The following LPL variants were observed in gnomAD, a reference collection of about 807,000 sequenced individuals.
LPL encodes phospholipase A1.
A neutral mutation model predicts 52.2 loss-of-function variants in LPL; 43 were observed. That is an observed-to-expected ratio of 0.82 (90% confidence interval 0.64 to 1.06). LPL has a LOEUF of 1.06. LPL is among the 50% of genes least tolerant of loss of function. The probability of loss-of-function intolerance (pLI) is 0.00; values close to 1 mark genes in which losing one functional copy is unlikely to be tolerated. For missense variants in LPL, 639 were observed against 585.3 expected (o/e 1.09, Z -0.95); for synonymous variants, 244 against 215.6 (o/e 1.13, Z -1.15).
Position 19,967,173 on chromosome 8 carries a change from C to T in LPL, c.*1863C>T, listed in dbSNP as rs553667602. On this transcript the variant is annotated 3_prime_UTR_variant, in exon 10 of 10. Transcript: ENST00000650287. ...AGCCAACTCACTCTTATGAAATGGGCTTTAACAAAACAAGAAAGAAACGTA... is the reference window on the plus strand; with the variant it reads ...AGCCAACTCACTCTTATGAAATGGGTTTTAACAAAACAAGAAAGAAACGTA... The T allele has an allele frequency of 5.2e-5, 8 of 152,698 alleles. No homozygotes were observed. The East Asian group carries it at 1.3e-3, about 26-fold the overall frequency. The allele number at this position is 152,698 out of a possible 1,614,324, so 9.5% of individuals were successfully genotyped here.
intron 1 of LPL, among the ~76,000 whole-genome samples, chr8:19,946,258 C>T (rs920572813): frequency 6.6e-6 from 1 of 151,830 alleles, no homozygotes; most frequent in African/African-American, 2.4e-5. Flanking sequence ...GAGTGTTTAC[C>T]CATTGTAACA....
At chr8:19,959,464 G>T in intron 7 of LPL, 84 bp downstream of exon 7, 1 of 1,519,348 alleles carries the variant, frequency 6.6e-7, no homozygotes, top group African/African-American at 1.4e-5. Context: ...AGCAGAGAGC[G>T]ATGCCTAGAA....
rs1161273471 is a variant in LPL, at chr8:19,954,282, A to T, written c.704A>T (p.Asn235Ile). 6.2e-7 allele frequency: 1 copy of T among 1,614,060 alleles called. No homozygotes were observed. The highest frequency in any genetic ancestry group is 1.3e-5 in the African/African-American group (1 of 74,914). The change falls in exon 5 of 10, where the codon AAT becomes ATT. Residue 235 changes from asparagine (N) to isoleucine (I), a missense_variant. Physicochemically the swap from Asn to Ile is moderately radical, Grantham distance 149. Transcript: ENST00000650287. ...GTTGGGCATGTTGACATTTACCCGA[A>T]TGGAGGTACTTTTCAGCCAGGATGT... is the stretch of plus-strand genomic sequence containing the variant. ...KPVGHVDIYP[N>I]GGTFQPGCNI...
chr8:19,949,309 G>C (rs2069911423), intron 2 of LPL, among the ~76,000 whole-genome samples: 1 of 151,952 alleles, frequency 6.6e-6, no homozygotes, highest in Non-Finnish European at 1.5e-5. Context: ...GACTGAAGAG[G>C]ACAATCGCTA....
chr8:19,958,407 T>C (rs1444663600), intron 6 of LPL, among the ~76,000 whole-genome samples: 1 of 152,044 alleles, frequency 6.6e-6, no homozygotes, highest in Non-Finnish European at 1.5e-5. Flanking sequence ...GCCCATTTGC[T>C]CAGGGTTTTT....
At position 19,959,394 on chromosome 8, in the gene LPL, G is replaced by C. The variant is rs374674661; in HGVS notation, c.1139+14G>C. The C allele has an allele frequency of 4.2e-5, 67 of 1,613,756 alleles. No individual in the cohort carries two copies. The highest frequency in any genetic ancestry group is 1.6e-4 in the Middle Eastern group (1 of 6,084). On this transcript the variant is annotated intron_variant, in intron 7 of 9. Coordinates refer to ENST00000650287, the MANE Select transcript of LPL (RefSeq NM_000237.3). ...CCCATTCACTCTGTGAGTAGCACAG[G>C]GGGGCGGTCATCATGGCACCAGTCC...
In LPL at chr8:19,961,054, C is replaced by T. The variant is rs2128839616; in HGVS notation, c.1293C>T (p.Ile431=). 1 of 1,614,082 alleles carries T rather than the reference C, an allele frequency of 6.2e-7. No individual in the cohort carries two copies. Among genetic ancestry groups the T allele is most frequent in the Non-Finnish European group, 8.5e-7 (1 of 1,180,022 alleles). ...WSSPGFAIQK[I]RVKAGETQKK... is the part of the protein sequence containing the mutation. ...GTCCCGGCTTCGCCATTCAGAAGATCAGAGTAAAAGCAGGAGAGACTCAGA... is the reference window on the plus strand; with the variant it reads ...GTCCCGGCTTCGCCATTCAGAAGATTAGAGTAAAAGCAGGAGAGACTCAGA... The change falls in exon 8 of 10, where the codon ATC becomes ATT. Residue 431 remains isoleucine, a synonymous_variant. Coordinates refer to ENST00000650287, the MANE Select transcript of LPL (RefSeq NM_000237.3).
rs928704350 is a variant in LPL, at chr8:19,953,340, C to A, written c.460C>A (p.His154Asn). 1 of 1,613,694 alleles carries A rather than the reference C, an allele frequency of 6.2e-7. No individual in the cohort carries two copies. Among genetic ancestry groups the A allele is most frequent in the Non-Finnish European group, 8.5e-7 (1 of 1,179,668 alleles). Reference sequence around the variant, plus strand: ...GTTTAACTACCCTCTGGACAATGTCCATCTCTTGGGATACAGCCTTGGAGC... The same window carrying A: ...GTTTAACTACCCTCTGGACAATGTCAATCTCTTGGGATACAGCCTTGGAGC... The part of the protein sequence containing the change: ...EEFNYPLDNV[H>N]LLGYSLGAHA... Residue 154 changes from histidine (H) to asparagine (N), a missense_variant, in exon 4 of 10, where the codon CAT becomes AAT. His to Asn is a moderately conservative substitution (Grantham distance 68, BLOSUM62 1). Coordinates refer to ENST00000650287, the MANE Select transcript of LPL (RefSeq NM_000237.3).
Position 19,939,259 on chromosome 8 carries a change from C to T in LPL, c.-182C>T. 1.6e-6 allele frequency: 1 copy of T among 613,426 alleles called. No individual in the cohort carries two copies. Among genetic ancestry groups the T allele is most frequent in the Non-Finnish European group, 2.9e-6 (1 of 343,026 alleles). 38.0% of individuals were successfully genotyped at this position (613,426 alleles called of 1,614,324 possible). A position where few individuals can be genotyped will look rare whatever the true frequency, so the allele number is the denominator to read the frequency against. On this transcript the variant is annotated 5_prime_UTR_variant, in exon 1 of 10. Transcript: ENST00000650287. This position sits in a 1 kb window ranked among gnomAD's most constrained non-coding sequence, Gnocchi z 4.0. ...GCCTTGGCGTGAAAACAGTGTCAGA[C>T]TCGATTCCCCCTCTTCCTCCTCCTC...
chr8:19,955,721 G>A, intron 5 of LPL, 120 bp from the exon 6 acceptor site: 2 of 1,288,360 alleles, frequency 1.6e-6, no homozygotes, highest in South Asian at 1.2e-5. Context: ...AAATGCACAG[G>A]ACTATATCCT....
At chr8:19,956,320 C>A (rs1310215441) in intron 6 of LPL, among the ~76,000 whole-genome samples, 3 of 152,220 alleles carry the variant, frequency 2.0e-5, no homozygotes, top group Non-Finnish European at 4.4e-5. Context: ...TTGCTCGCTG[C>A]CCTCCCCTGT....
rs776729556 is a variant in LPL at position 19,954,391 on chromosome 8, A to G, written c.775+38A>G. 3.2e-6 allele frequency: 5 copies of G among 1,579,146 alleles called. No individual in the cohort carries two copies. In the East Asian group the frequency reaches 1.1e-4, roughly 35 times the overall value. On this transcript the variant is annotated intron_variant, in intron 5 of 9. Transcript: ENST00000650287. ...TAGAAGCGAATTAAATGTGACTCTTATCCTTAACCCTTATTGACCCAATGT... is the reference window on the plus strand; with the variant it reads ...TAGAAGCGAATTAAATGTGACTCTTGTCCTTAACCCTTATTGACCCAATGT...
chr8:19,962,075 T>C (rs374238349), intron 8 of LPL, 40 bp from the exon 9 acceptor site: 137 of 1,318,434 alleles, frequency 1.0e-4, no homozygotes, highest in Middle Eastern at 1.8e-4. Flanking sequence ...GTGCTTTTGA[T>C]TGTTCTACAT....
At chr8:19,945,316 G>T (rs2069873319) in intron 1 of LPL, among the ~76,000 whole-genome samples, 1 of 152,034 alleles carries the variant, frequency 6.6e-6, no homozygotes, top group Non-Finnish European at 1.5e-5. Context: ...ATCCTCGGGG[G>T]GTTGCAAACA....
At chr8:19,942,036 G>A (rs1360060704) in intron 1 of LPL, among the ~76,000 whole-genome samples, 1 of 152,178 alleles carries the variant, frequency 6.6e-6, no homozygotes, top group East Asian at 1.9e-4. Context: ...GCAAAGGAGA[G>A]CAAAATAGCA....
chr8:19,941,973 C>T (rs2069844940), intron 1 of LPL, among the ~76,000 whole-genome samples: 1 of 152,138 alleles, frequency 6.6e-6, no homozygotes, highest in African/African-American at 2.4e-5. Context: ...GCTGAAGTTC[C>T]ACTTGCCTGG....
chr8:19,945,369 T>C (rs1199213888), intron 1 of LPL, among the ~76,000 whole-genome samples: 1 of 152,068 alleles, frequency 6.6e-6, no homozygotes, highest in African/African-American at 2.4e-5. Flanking sequence ...AAAAGGAAAG[T>C]TTGACTAAGT....
intron 7 of LPL, among the ~76,000 whole-genome samples, chr8:19,960,097 A>AAAGC (rs1196075220): frequency 3.3e-5 from 5 of 151,574 alleles, no homozygotes; most frequent in Non-Finnish European, 5.9e-5. Flanking sequence ...CCTACCCTTT[A>AAAGC]CTACTAATCA....
chr8:19,951,990 T>C (rs2069938865), intron 3 of LPL, 42 bp downstream of exon 3: 1 of 1,608,878 alleles, frequency 6.2e-7, no homozygotes, highest in Non-Finnish European at 8.5e-7. Context: ...AAAACAGTGT[T>C]TTTGACTGGA....
Sources: allele counts gnomAD v4.1 joint callset (sites outside exome capture counted in the v4.1 genomes callset), GRCh38; gene constraint gnomAD v4.1.1; non-coding constraint Gnocchi (gnomAD v3.1); transcripts MANE v1.5; gene names NCBI Gene and HGNC (gene_info 2026-07-23, HGNC 2026-07-21).